GALNTL6: variants seen among roughly 807,000 people sequenced by gnomAD.
The protein encoded by GALNTL6 is polypeptide N-acetylgalactosaminyltransferase-like 6.
A neutral mutation model predicts 73.7 loss-of-function variants in GALNTL6; 46 were observed. That is an observed-to-expected ratio of 0.62 (90% CI 0.49 to 0.80). GALNTL6 has a LOEUF of 0.80. Among genes scored for constraint, GALNTL6 ranks in the 30% least tolerant of loss-of-function variants. The pLI, the probability that GALNTL6 is intolerant of heterozygous loss-of-function variation, is 0.00. For missense variants in GALNTL6, 604 were observed against 755.0 expected (o/e 0.80, Z 2.34); for synonymous variants, 259 against 263.7 (o/e 0.98, Z 0.17).
chr4:172,952,309 C>T, intron 10 of GALNTL6, 51 bp downstream of exon 10: 1 of 1,315,994 alleles, frequency 7.6e-7, no homozygotes, highest in Non-Finnish European at 1.1e-6. Flanking sequence ...CTGTGTGCCT[C>T]CCCCATAGCC....
intron 2 of GALNTL6, among the ~76,000 whole-genome samples, chr4:171,857,640 C>T (rs79421095): frequency 1.5e-3 from 223 of 152,138 alleles, no homozygotes; most frequent in African/African-American, 4.9e-3. Context: ...GTGATAATAG[C>T]GATGAGGCTA....
At chr4:171,853,012 A>ATTTT (rs765984611) in intron 2 of GALNTL6, among the ~76,000 whole-genome samples, 11,926 of 86,646 alleles carry the variant, frequency 0.14, 1,152 homozygotes, top group Non-Finnish European at 0.18. Flanking sequence ...CGCCCGGCTA[A>ATTTT]TTTTTTTTTT....
chr4:172,379,160 C>A (rs761011460), intron 5 of GALNTL6, among the ~76,000 whole-genome samples: 10 of 152,168 alleles, frequency 6.6e-5, no homozygotes, highest in Non-Finnish European at 1.2e-4. Context: ...TTAATGTTCC[C>A]ATTCTGGTTC....
At chr4:172,074,287 T>C (rs1731637445) in intron 2 of GALNTL6, among the ~76,000 whole-genome samples, 1 of 152,192 alleles carries the variant, frequency 6.6e-6, no homozygotes, top group African/African-American at 2.4e-5. Context: ...TCAGGTATCA[T>C]TGAGTATTGC....
At chr4:172,719,826 G>GC (rs1735350678) in intron 5 of GALNTL6, among the ~76,000 whole-genome samples, 1 of 152,146 alleles carries the variant, frequency 6.6e-6, no homozygotes, top group South Asian at 2.1e-4. Context: ...AGACAGAGCA[G>GC]CCCCGAGGGC....
intron 8 of GALNTL6, among the ~76,000 whole-genome samples, chr4:172,904,581 G>A (rs1030189399): frequency 1.3e-5 from 2 of 152,144 alleles, no homozygotes; most frequent in Admixed American, 6.5e-5. Flanking sequence ...CTTCAGTGAT[G>A]AGTCTGTTGG....
At chr4:173,033,702 C>T (rs1010933668) in intron 12 of GALNTL6, among the ~76,000 whole-genome samples, 1 of 152,206 alleles carries the variant, frequency 6.6e-6, no homozygotes, top group African/African-American at 2.4e-5. Flanking sequence ...AGGTTATTGT[C>T]AGAGATAAAA....
At chr4:172,731,459 C>G (rs887247808) in intron 5 of GALNTL6, among the ~76,000 whole-genome samples, 1 of 152,010 alleles carries the variant, frequency 6.6e-6, no homozygotes, top group Non-Finnish European at 1.5e-5. Flanking sequence ...CTTAGTCTAG[C>G]TAAAGGTTTG....
intron 5 of GALNTL6, among the ~76,000 whole-genome samples, chr4:172,366,060 C>T (rs1053300464): frequency 1.3e-5 from 2 of 152,118 alleles, no homozygotes; most frequent in Non-Finnish European, 2.9e-5. Flanking sequence ...TTGTGAGAGA[C>T]TTTGTAATGT....
chr4:172,485,423 T>C (rs1419368572), intron 5 of GALNTL6, among the ~76,000 whole-genome samples: 1 of 152,082 alleles, frequency 6.6e-6, no homozygotes, highest in African/African-American at 2.4e-5. Context: ...CTATAATGTA[T>C]TGTTTTATAA....
intron 2 of GALNTL6, among the ~76,000 whole-genome samples, chr4:172,176,067 C>A (rs1056755457): frequency 6.6e-6 from 1 of 151,958 alleles, no homozygotes; most frequent in Non-Finnish European, 1.5e-5. Flanking sequence ...AGGCTGGGCG[C>A]GGTGGCTCAC....
At chr4:172,061,588 G>C (rs1731202014) in intron 2 of GALNTL6, among the ~76,000 whole-genome samples, 1 of 152,084 alleles carries the variant, frequency 6.6e-6, no homozygotes, top group African/African-American at 2.4e-5. Context: ...TCCCAGAAAG[G>C]CCAAATATGT....
chr4:172,700,904 C>T (rs139735801), intron 5 of GALNTL6, among the ~76,000 whole-genome samples: 16 of 152,004 alleles, frequency 1.1e-4, no homozygotes, highest in East Asian at 1.9e-4. Flanking sequence ...TCATTTTAAC[C>T]GAAAATGCAA....
chr4:173,005,003 T>C (rs1752210123), intron 10 of GALNTL6, among the ~76,000 whole-genome samples: 1 of 152,176 alleles, frequency 6.6e-6, no homozygotes, highest in South Asian at 2.1e-4. Flanking sequence ...AACAGCCAGT[T>C]GAATCCCCTA....
chr4:172,448,805 G>A (rs1407437527), intron 5 of GALNTL6, among the ~76,000 whole-genome samples: 2 of 152,088 alleles, frequency 1.3e-5, no homozygotes, highest in African/African-American at 4.8e-5. Flanking sequence ...GCTTAAAAGT[G>A]GGAGTTTTTC....
At chr4:172,242,811 G>GAA (rs1737492842) in intron 3 of GALNTL6, among the ~76,000 whole-genome samples, 1 of 152,234 alleles carries the variant, frequency 6.6e-6, no homozygotes, top group African/African-American at 2.4e-5. Flanking sequence ...ATAAGGCATT[G>GAA]TAGGAGGTGC....
intron 7 of GALNTL6, among the ~76,000 whole-genome samples, chr4:172,815,391 G>A (rs1279980355): frequency 6.6e-6 from 1 of 152,130 alleles, no homozygotes; most frequent in Non-Finnish European, 1.5e-5. Flanking sequence ...CTGTTATTAG[G>A]TGCTGGCCCA....
chr4:171,947,729 C>G (rs927434914), intron 2 of GALNTL6, among the ~76,000 whole-genome samples: 11 of 152,064 alleles, frequency 7.2e-5, no homozygotes, highest in Non-Finnish European at 4.4e-5. Context: ...ATCTGGGAAA[C>G]AGGGGTGGAG....
intron 2 of GALNTL6, among the ~76,000 whole-genome samples, chr4:172,082,201 C>A (rs1731900879): frequency 6.6e-6 from 1 of 152,048 alleles, no homozygotes; most frequent in Non-Finnish European, 1.5e-5. Flanking sequence ...GTAGAGCCAT[C>A]ATGTTCATGA....
Sources: gnomAD v4.1 joint callset for allele counts (sites outside exome capture counted in the v4.1 genomes callset) on GRCh38, gnomAD v4.1.1 for gene constraint, MANE v1.5 for transcripts, NCBI Gene and HGNC (gene_info 2026-07-23, HGNC 2026-07-21) for gene names.